The following SFSWAP variants were observed in gnomAD, a reference collection of about 807,000 sequenced individuals.
SFSWAP encodes the protein splicing factor SWAP, also known as splicing factor, suppressor of white-apricot homolog.
In SFSWAP, 17 loss-of-function variants were observed where a neutral mutation model predicts 100.7. That is an observed-to-expected ratio of 0.17 (90% CI 0.12 to 0.25). The LOEUF (loss-of-function observed/expected upper bound fraction) is 0.25, where lower values mean the gene tolerates loss of function less well. Ranked by LOEUF, SFSWAP falls within the 10% of genes least tolerant of loss-of-function variation. The pLI, the probability that SFSWAP is intolerant of heterozygous loss-of-function variation, is 1.00. For synonymous variants in SFSWAP, 504 were observed against 510.1 expected, an observed-to-expected ratio of 0.99 and a Z score of 0.16; for missense variants, 1,005 against 1,262.6, an observed-to-expected ratio of 0.80 and a Z score of 3.09.
In SFSWAP at chr12:131,799,632, T is replaced by G; in HGVS notation, c.*144T>G. 3.1e-6 allele frequency: 2 copies of G among 638,176 alleles called. No individual in the cohort carries two copies. Among genetic ancestry groups the G allele is most frequent in the South Asian group, 1.9e-5 (1 of 51,662 alleles). 39.5% of individuals were successfully genotyped at this position (638,176 alleles called of 1,614,324 possible). A position where few individuals can be genotyped will look rare whatever the true frequency, so the allele number is the denominator to read the frequency against. On this transcript the variant is annotated 3_prime_UTR_variant, in exon 18 of 18. Transcript: ENST00000261674. ...TAATTTTTGATGACATTTTGAGTTT[T>G]AAGATTTCTGACCAGCAGTCTCTTA...
At chr12:131,782,090 A>T (rs1593184400) in intron 14 of SFSWAP, among the ~76,000 whole-genome samples, 1 of 152,210 alleles carries the variant, frequency 6.6e-6, no homozygotes, top group Non-Finnish European at 1.5e-5. Context: ...AGGCAGGAGG[A>T]TTCCTTGAGC....
intron 4 of SFSWAP, among the ~76,000 whole-genome samples, chr12:131,722,316 CTT>C (rs1878548853): frequency 6.6e-6 from 1 of 152,186 alleles, no homozygotes; most frequent in Non-Finnish European, 1.5e-5. Flanking sequence ...AATCCCAGCT[CTT>C]TGGGAGACTA....
At chr12:131,793,705 G>T (rs555503243) in intron 15 of SFSWAP, among the ~76,000 whole-genome samples, 36 of 152,270 alleles carry the variant, frequency 2.4e-4, no homozygotes, top group Non-Finnish European at 3.2e-4. Context: ...TCTGACAAAA[G>T]CCTGTGTCAG....
At chr12:131,713,980 GTGTA>G in intron 1 of SFSWAP, 87 bp from the exon 2 acceptor site, 2 of 796,878 alleles carry the variant, frequency 2.5e-6, no homozygotes, top group Non-Finnish European at 3.9e-6. Flanking sequence ...AAGTATGTGT[GTGTA>G]TATATATATA....
At chr12:131,735,514 C>T (rs1879921585) in intron 7 of SFSWAP, among the ~76,000 whole-genome samples, 1 of 152,220 alleles carries the variant, frequency 6.6e-6, no homozygotes, top group Non-Finnish European at 1.5e-5. Flanking sequence ...AAGACAAGAT[C>T]GTAAAGTGTG....
At chr12:131,798,536 A>G (rs1296229414) in intron 16 of SFSWAP, among the ~76,000 whole-genome samples, 1 of 152,196 alleles carries the variant, frequency 6.6e-6, no homozygotes. Context: ...GTTAGATTGC[A>G]ATTTGTAAAC....
chr12:131,761,341 C>T (rs977679027), intron 11 of SFSWAP, among the ~76,000 whole-genome samples: 3 of 152,176 alleles, frequency 2.0e-5, no homozygotes, highest in Non-Finnish European at 2.9e-5. Flanking sequence ...CAGGGGTGCC[C>T]GATGCCATGT....
intron 9 of SFSWAP, 126 bp downstream of exon 9, chr12:131,754,625 GTCT>G: frequency 1.5e-5 from 2 of 133,112 alleles, no homozygotes; most frequent in Admixed American, 1.0e-4. Context: ...TGGCTCAAAT[GTCT>G]TTTTTTTTTT....
intron 7 of SFSWAP, among the ~76,000 whole-genome samples, chr12:131,729,848 T>C (rs1879336172): frequency 6.6e-6 from 1 of 152,198 alleles, no homozygotes; most frequent in Admixed American, 6.5e-5. Context: ...CAGCTCCTCT[T>C]TATTTGGGAC....
At chr12:131,797,424 C>A in intron 16 of SFSWAP, 64 bp downstream of exon 16, 1 of 1,417,746 alleles carries the variant, frequency 7.1e-7, no homozygotes, top group Non-Finnish European at 9.6e-7. Context: ...AGGACTCTCC[C>A]TCCTCCCTGA....
At chr12:131,736,208 C>CT (rs1880000630) in intron 7 of SFSWAP, among the ~76,000 whole-genome samples, 1 of 152,104 alleles carries the variant, frequency 6.6e-6, no homozygotes, top group Non-Finnish European at 1.5e-5. Flanking sequence ...AAACACCAAG[C>CT]TAACAGGAAG....
At position 131,728,391 on chromosome 12, in the gene SFSWAP, G is replaced by T. The variant is rs773799126; in HGVS notation, c.1044G>T (p.Ala348=). The T allele has an allele frequency of 1.9e-6, 3 of 1,614,212 alleles. No individual in the cohort carries two copies. Among genetic ancestry groups the T allele is most frequent in the Admixed American group, 1.7e-5 (1 of 60,024 alleles). Residue 348 remains alanine (A), a synonymous_variant, in exon 7 of 18, where the codon GCG becomes GCT. Coordinates refer to ENST00000261674, the MANE Select transcript of SFSWAP (RefSeq NM_004592.4). ...STPTPHNADG[A]PVQPSQVEYT... ...CCACCCCACACAACGCAGACGGTGC[G>T]CCTGTGCAGCCCTCCCAGGTGGAGT...
At chr12:131,766,735 T>G (rs576605007) in intron 13 of SFSWAP, among the ~76,000 whole-genome samples, 1 of 152,192 alleles carries the variant, frequency 6.6e-6, no homozygotes, top group Non-Finnish European at 1.5e-5. Context: ...GTCAGCACTT[T>G]AATTAAAGAG....
At chr12:131,741,042 A>G (rs997535585) in intron 7 of SFSWAP, among the ~76,000 whole-genome samples, 5 of 125,288 alleles carry the variant, frequency 4.0e-5, no homozygotes, top group Non-Finnish European at 7.7e-5. Flanking sequence ...GCACGATCTC[A>G]GCTTACTGCA....
intron 14 of SFSWAP, among the ~76,000 whole-genome samples, chr12:131,779,494 A>G (rs1884325777): frequency 6.6e-6 from 1 of 152,200 alleles, no homozygotes; most frequent in African/African-American, 2.4e-5. Flanking sequence ...TTTAAAAACA[A>G]AACAGTGGCT....
chr12:131,785,333 C>G, intron 14 of SFSWAP: 1 of 1,061,828 alleles, frequency 9.4e-7, no homozygotes, highest in Non-Finnish European at 1.4e-6. Context: ...ACTCCTGGCC[C>G]TCCAGGATGC....
intron 15 of SFSWAP, among the ~76,000 whole-genome samples, chr12:131,792,149 C>T (rs1010737130): frequency 8.2e-5 from 12 of 146,512 alleles, no homozygotes; most frequent in African/African-American, 1.8e-4. Flanking sequence ...GTTCACGGAT[C>T]GTTACTGTGT....
At chr12:131,766,842 C>T (rs954641336) in intron 13 of SFSWAP, among the ~76,000 whole-genome samples, 3 of 152,252 alleles carry the variant, frequency 2.0e-5, no homozygotes, top group East Asian at 1.9e-4. Flanking sequence ...GGGGTCATCA[C>T]GTGGCTGCCT....
rs748315095 is a variant in SFSWAP, at chr12:131,799,397, TCTC to T, written c.2791-22_2791-20del. On this transcript the variant is annotated intron_variant, in intron 17 of 17. Transcript: ENST00000261674. Reference sequence around the variant, plus strand: ...GTTGTCTGGCCAGGTCTTCACAGGTTCTCCTCTGTGTCTCGCCCTGCACAGGAT... The same window carrying T: ...GTTGTCTGGCCAGGTCTTCACAGGTTCTCTGTGTCTCGCCCTGCACAGGAT... The T allele has an allele frequency of 3.1e-6, 5 of 1,611,866 alleles. No homozygotes were observed. In the South Asian group the frequency reaches 4.4e-5, roughly 14 times the overall value.
Sources: gnomAD v4.1 joint callset for allele counts (sites outside exome capture counted in the v4.1 genomes callset) on GRCh38, gnomAD v4.1.1 for gene constraint, MANE v1.5 for transcripts, NCBI Gene and HGNC (gene_info 2026-07-23, HGNC 2026-07-21) for gene names.